The following SEL1L2 variants were observed in gnomAD, a reference collection of about 807,000 sequenced individuals.
SEL1L2 encodes the protein SEL1L2 adaptor subunit of SYVN1 ubiquitin ligase, also known as protein sel-1 homolog 2.
A neutral mutation model predicts 98.8 loss-of-function variants in SEL1L2; 89 were observed. The observed-to-expected ratio is 0.90, with a 90% CI of 0.76 to 1.07. SEL1L2 has a LOEUF of 1.07. SEL1L2 is among the 50% of genes least tolerant of loss of function. The pLI is 0.00. For synonymous variants in SEL1L2, 262 were observed against 278.5 expected (o/e 0.94, Z 0.59); for missense variants, 788 against 812.0 (o/e 0.97, Z 0.36).
intron 1 of SEL1L2, among the ~76,000 whole-genome samples, chr20:13,986,170 A>G (rs1300978661): frequency 2.0e-5 from 3 of 152,222 alleles, no homozygotes; most frequent in Non-Finnish European, 2.9e-5. Context: ...TAGATCATAT[A>G]GTAACTTTAT....
intron 4 of SEL1L2, among the ~76,000 whole-genome samples, chr20:13,917,708 T>C (rs1482806437): frequency 6.6e-6 from 1 of 151,460 alleles, no homozygotes; most frequent in Non-Finnish European, 1.5e-5. Flanking sequence ...CTCTGACTGG[T>C]GTGCCTATTC....
In SEL1L2 at chr20:13,966,763, G is replaced by A. The variant is rs571341338; in HGVS notation, c.59-10632C>T. ...AGAAATACTGTTCCTACCTTTTGGA[G>A]TAAGTGTGAAGACAGAATAGAATCA... On this transcript the variant is annotated intron_variant, in intron 1 of 19. Transcript: ENST00000284951. Among the ~76,000 whole-genome samples, 228 of 152,214 alleles carry A rather than the reference G, an allele frequency of 1.5e-3. 2 individuals carry two copies. The South Asian group carries it at 0.027, about 18-fold the overall frequency.
chr20:13,971,115 T>G (rs1020439160), intron 1 of SEL1L2, among the ~76,000 whole-genome samples: 11 of 151,968 alleles, frequency 7.2e-5, no homozygotes, highest in African/African-American at 2.7e-4. Flanking sequence ...TTGCCCATTT[T>G]TCTATCAGGC....
At chr20:13,967,596 T>A (rs933353605) in intron 1 of SEL1L2, among the ~76,000 whole-genome samples, 8 of 152,306 alleles carry the variant, frequency 5.3e-5, no homozygotes, top group African/African-American at 1.7e-4. Context: ...CATCTTACTT[T>A]CAACCATATG....
chr20:13,954,325 A>G (rs2050418600), intron 2 of SEL1L2, among the ~76,000 whole-genome samples: 1 of 152,134 alleles, frequency 6.6e-6, no homozygotes, highest in Admixed American at 6.5e-5. Flanking sequence ...GTCATGTAAC[A>G]CTATGGTAAG....
At chr20:13,960,117 T>C (rs1246683747) in intron 1 of SEL1L2, among the ~76,000 whole-genome samples, 2 of 152,174 alleles carry the variant, frequency 1.3e-5, no homozygotes, top group Non-Finnish European at 2.9e-5. Context: ...CTAGAAAAAG[T>C]AAACTAGAAA....
At chr20:13,915,289 T>G (rs1027889588) in intron 4 of SEL1L2, 2 of 1,253,640 alleles carry the variant, frequency 1.6e-6, no homozygotes, top group Middle Eastern at 4.6e-4. Context: ...CAAAAAGAGA[T>G]AGAAAACTGG....
chr20:13,868,224 G>A (rs2046015088), intron 14 of SEL1L2, among the ~76,000 whole-genome samples: 1 of 150,730 alleles, frequency 6.6e-6, no homozygotes, highest in South Asian at 2.1e-4. Flanking sequence ...ACTTAGATTC[G>A]CATCATCCTT....
intron 2 of SEL1L2, 21 bp from the exon 3 acceptor site, chr20:13,931,792 G>A: frequency 6.8e-7 from 1 of 1,477,188 alleles, no homozygotes; most frequent in Non-Finnish European, 9.0e-7. Flanking sequence ...AAAGACTGTT[G>A]CTCATTTTGT....
chr20:13,915,326 AC>A (rs1568960136), intron 4 of SEL1L2: 2 of 1,078,238 alleles, frequency 1.9e-6, no homozygotes, highest in Non-Finnish European at 2.5e-6. Flanking sequence ...AAAGAAATTA[AC>A]CCAGGTCAAA....
At chr20:13,860,455 G>A (rs1003469433) in intron 17 of SEL1L2, among the ~76,000 whole-genome samples, 2 of 152,188 alleles carry the variant, frequency 1.3e-5, no homozygotes, top group South Asian at 4.2e-4. Context: ...CATCTTACCC[G>A]ACGTCTGAGC....
chr20:13,897,741 T>C (rs531518038), intron 5 of SEL1L2, among the ~76,000 whole-genome samples: 1 of 152,270 alleles, frequency 6.6e-6, no homozygotes, highest in South Asian at 2.1e-4. Flanking sequence ...GATGCATGCC[T>C]GTAATCCCAG....
At chr20:13,850,068 A>C in intron 19 of SEL1L2, 123 bp downstream of exon 19, 1 of 1,105,982 alleles carries the variant, frequency 9.0e-7, no homozygotes, top group East Asian at 2.5e-5. Context: ...TAAGACTCTG[A>C]ATTTTACTTC....
intron 1 of SEL1L2, among the ~76,000 whole-genome samples, chr20:13,962,371 C>T (rs1246255620): frequency 6.6e-6 from 1 of 152,184 alleles, no homozygotes; most frequent in African/African-American, 2.4e-5. Context: ...GCCTTGCAGC[C>T]TCCTTTACCT....
chr20:13,899,832 G>A (rs1316646533), intron 5 of SEL1L2, among the ~76,000 whole-genome samples: 1 of 152,132 alleles, frequency 6.6e-6, no homozygotes, highest in East Asian at 1.9e-4. Flanking sequence ...CTACAAAAAT[G>A]TATTCTTAAT....
At chr20:13,961,054 C>T (rs2050753211) in intron 1 of SEL1L2, among the ~76,000 whole-genome samples, 1 of 152,156 alleles carries the variant, frequency 6.6e-6, no homozygotes, top group Non-Finnish European at 1.5e-5. Flanking sequence ...GATACTTTAT[C>T]TTCAATCTCC....
At chr20:13,977,985 A>G (rs1295608127) in intron 1 of SEL1L2, among the ~76,000 whole-genome samples, 1 of 152,196 alleles carries the variant, frequency 6.6e-6, no homozygotes, top group African/African-American at 2.4e-5. Flanking sequence ...ATTTTTCACA[A>G]AAATAGAAAA....
intron 10 of SEL1L2, among the ~76,000 whole-genome samples, chr20:13,884,280 T>C (rs1281372846): frequency 6.6e-6 from 1 of 152,056 alleles, no homozygotes; most frequent in East Asian, 1.9e-4. Context: ...ATGTGGCTCC[T>C]ATAAATGAAA....
At chr20:13,922,786 C>T (rs117792907) in intron 3 of SEL1L2, among the ~76,000 whole-genome samples, 3,749 of 152,136 alleles carry the variant, frequency 0.025, 74 homozygotes, top group Non-Finnish European at 0.035. Context: ...CTGGAATGTG[C>T]TATCTTTTTC....
Sources: gnomAD v4.1 joint callset for allele counts (sites outside exome capture counted in the v4.1 genomes callset) on GRCh38, gnomAD v4.1.1 for gene constraint, MANE v1.5 for transcripts, NCBI Gene and HGNC (gene_info 2026-07-23, HGNC 2026-07-21) for gene names.